HPD: variants seen among roughly 807,000 people sequenced by gnomAD.
HPD encodes 4-hydroxyphenylpyruvate dioxygenase, also known as 4-hydroxyphenylpyruvic acid oxidase.
A neutral mutation model predicts 56.9 loss-of-function variants in HPD; 35 were observed. That is an observed-to-expected ratio of 0.62 (90% CI 0.47 to 0.82). The LOEUF (loss-of-function observed/expected upper bound fraction) is 0.82, where lower values mean the gene tolerates loss of function less well. Ranked by LOEUF, HPD falls within the 40% of genes least tolerant of loss-of-function variation. HPD has a pLI of 0.00. For synonymous variants in HPD, 186 were observed against 200.2 expected (o/e 0.93, Z 0.60); for missense variants, 442 against 506.8 (o/e 0.87, Z 1.23).
At chr12:121,846,956 C>G (rs747149038) in intron 10 of HPD, 23 bp from the exon 11 acceptor site, 1 of 1,613,696 alleles carries the variant, frequency 6.2e-7, no homozygotes, top group Admixed American at 1.7e-5. Context: ...AACAAGGAGA[C>G]CACTGTCATT....
the HPD span, among the ~76,000 whole-genome samples, chr12:121,878,676 CT>C: frequency 0.015 from 2,097 of 135,328 alleles, 19 homozygotes; most frequent in African/African-American, 0.041. Context: ...GTTTTTCGTT[CT>C]TTTTTTTTTT....
chr12:121,844,019 A>G (rs1877493436), intron 11 of HPD, among the ~76,000 whole-genome samples, 187 bp from the exon 12 acceptor site: 1 of 151,940 alleles, frequency 6.6e-6, no homozygotes, highest in African/African-American at 2.4e-5. Context: ...TGCTAGATTT[A>G]TAGAACACTC....
At chr12:121,864,246 A>C (rs139899645), upstream of HPD, among the ~76,000 whole-genome samples, 465 of 151,136 alleles carry the variant, frequency 3.1e-3, 2 homozygotes, top group African/African-American at 9.9e-3. Context: ...CTGTCACACA[A>C]AAAAAAGAAA....
the HPD span, among the ~76,000 whole-genome samples, chr12:121,882,587 C>CA: frequency 7.2e-5 from 11 of 152,182 alleles, no homozygotes; most frequent in African/African-American, 2.7e-4. Context: ...CCTCAGTCCA[C>CA]ATTCTCTAAG....
intron 7 of HPD, among the ~76,000 whole-genome samples, chr12:121,854,416 T>A (rs762138842): frequency 4.6e-5 from 7 of 152,146 alleles, no homozygotes; most frequent in Admixed American, 6.6e-5. Context: ...ACAGCTCGTG[T>A]GGGAACTGAT....
Position 121,856,741 on chromosome 12 carries a change from G to C in HPD, c.199-116C>G, listed in dbSNP as rs1053125969. On this transcript the variant is annotated intron_variant, in intron 4 of 13. Transcript: ENST00000289004. Reference sequence around the variant, plus strand: ...CCCTGATGGAGCACAAGAACTCCTGGACCTGGGTTCTAGCTCCTTCTCTGC... The same window carrying C: ...CCCTGATGGAGCACAAGAACTCCTGCACCTGGGTTCTAGCTCCTTCTCTGC... 5.3e-6 allele frequency: 5 copies of C among 948,482 alleles called. No individual in the cohort carries two copies. In the Admixed American group the frequency reaches 9.8e-5, roughly 19 times the overall value. The allele number at this position is 948,482 out of a possible 1,614,324, so 58.8% of individuals were successfully genotyped here.
upstream of HPD, among the ~76,000 whole-genome samples, chr12:121,862,101 G>A (rs1174339709): frequency 6.6e-6 from 1 of 152,118 alleles, no homozygotes; most frequent in Non-Finnish European, 1.5e-5. Flanking sequence ...AAAAAAATGG[G>A]CAAAATTGCT....
intron 9 of HPD, among the ~76,000 whole-genome samples, chr12:121,847,543 T>G (rs1274830416): frequency 2.0e-5 from 3 of 152,006 alleles, no homozygotes; most frequent in Admixed American, 1.3e-4. Flanking sequence ...GTATTTTTAT[T>G]TTTTGTTTTT....
chr12:121,854,940 A>C, intron 6 of HPD, 148 bp from the exon 7 acceptor site: 1 of 697,994 alleles, frequency 1.4e-6, no homozygotes, highest in East Asian at 2.7e-5. Flanking sequence ...AGCTTCAGCC[A>C]TTACCCCCAA....
intron 1 of HPD, 29 bp downstream of exon 1, chr12:121,858,792 A>C (rs764488005): frequency 4.2e-5 from 67 of 1,613,960 alleles, no homozygotes; most frequent in Non-Finnish European, 5.3e-5. Context: ...AAGATGTCCC[A>C]CCCAAGGGGA....
chr12:121,884,365 G>GCC, the HPD span, among the ~76,000 whole-genome samples: 1 of 152,070 alleles, frequency 6.6e-6, no homozygotes. Context: ...GTTTTACTAT[G>GCC]TTGGCCAGGC....
chr12:121,856,647 G>A, intron 4 of HPD, 22 bp from the exon 5 acceptor site: 1 of 1,612,956 alleles, frequency 6.2e-7, no homozygotes, highest in Non-Finnish European at 8.5e-7. Flanking sequence ...GGAGAAGGAG[G>A]TGAGGCTAGT....
the HPD span, among the ~76,000 whole-genome samples, chr12:121,875,644 GC>G: frequency 6.6e-6 from 1 of 151,954 alleles, no homozygotes; most frequent in Non-Finnish European, 1.5e-5. Flanking sequence ...CAGGCTGGTG[GC>G]AAACTCTTGG....
chr12:121,848,826 G>A (rs1877668555), intron 9 of HPD, among the ~76,000 whole-genome samples, 173 bp downstream of exon 9: 2 of 152,056 alleles, frequency 1.3e-5, no homozygotes, highest in South Asian at 4.1e-4. Flanking sequence ...GGCTGGTGTT[G>A]AACCCCTGAC....
intron 11 of HPD, among the ~76,000 whole-genome samples, chr12:121,846,268 G>A (rs1314875749): frequency 6.6e-6 from 1 of 152,038 alleles, no homozygotes; most frequent in African/African-American, 2.4e-5. Context: ...CCAGGCTGTG[G>A]TACAGTGGTG....
At chr12:121,847,703 A>G (rs568226103) in intron 9 of HPD, among the ~76,000 whole-genome samples, 34 of 151,904 alleles carry the variant, frequency 2.2e-4, no homozygotes, top group Admixed American at 7.9e-4. Flanking sequence ...ATGCCCAACT[A>G]ATTTTTTGTA....
chr12:121,877,541 G>A, the HPD span, among the ~76,000 whole-genome samples: 1 of 152,096 alleles, frequency 6.6e-6, no homozygotes, highest in East Asian at 1.9e-4. Context: ...AGACCAGCCT[G>A]GCCAACATGG....
chr12:121,858,777 T>C (rs751215207), intron 1 of HPD, 44 bp downstream of exon 1: 7 of 1,614,040 alleles, frequency 4.3e-6, no homozygotes, highest in Non-Finnish European at 5.9e-6. Context: ...CTGGAAGCGT[T>C]ACTGAAGATG....
the HPD span, among the ~76,000 whole-genome samples, chr12:121,884,393 C>A: frequency 6.6e-6 from 1 of 152,070 alleles, no homozygotes; most frequent in East Asian, 1.9e-4. Flanking sequence ...AAACCCCTGA[C>A]CTTATGTGAT....
Sources: allele counts gnomAD v4.1 joint callset (sites outside exome capture counted in the v4.1 genomes callset), GRCh38; gene constraint gnomAD v4.1.1; transcripts MANE v1.5; gene names NCBI Gene and HGNC (gene_info 2026-07-23, HGNC 2026-07-21).